The following FAIM2 variants were observed in gnomAD, a reference collection of about 807,000 sequenced individuals.
FAIM2 encodes the protein protein lifeguard 2.
In FAIM2, 27 loss-of-function variants were observed where a neutral mutation model predicts 47.4. The observed-to-expected ratio is 0.57, with a 90% CI of 0.42 to 0.78. The LOEUF (loss-of-function observed/expected upper bound fraction) is 0.78, where lower values mean the gene tolerates loss of function less well. Ranked by LOEUF, FAIM2 falls within the 30% of genes least tolerant of loss-of-function variation. The pLI is 0.00. For synonymous variants in FAIM2, 156 were observed against 159.3 expected (o/e 0.98, Z 0.16); for missense variants, 311 against 389.4 (o/e 0.80, Z 1.69).
chr12:49,890,064 C>T, intron 8 of FAIM2, 53 bp downstream of exon 8: 1 of 1,584,830 alleles, frequency 6.3e-7, no homozygotes, highest in East Asian at 2.2e-5. Flanking sequence ...TGGCTGGTGC[C>T]TGGCTCCAAG....
At chr12:49,887,496 G>A (rs937804759) in intron 10 of FAIM2, 57 bp from the exon 11 acceptor site, 62 of 1,458,050 alleles carry the variant, frequency 4.3e-5, no homozygotes, top group Non-Finnish European at 5.0e-5. Flanking sequence ...AGTCAGAGGG[G>A]CAGGGAGGAG....
At chr12:49,890,416 C>T (rs377226755) in intron 7 of FAIM2, among the ~76,000 whole-genome samples, 2 of 152,280 alleles carry the variant, frequency 1.3e-5, no homozygotes, top group South Asian at 2.1e-4. Flanking sequence ...TTCTTCATTA[C>T]CATAGCTCTA....
At chr12:49,900,852 C>T (rs1946976764) in intron 2 of FAIM2, among the ~76,000 whole-genome samples, 1 of 152,184 alleles carries the variant, frequency 6.6e-6, no homozygotes, top group Non-Finnish European at 1.5e-5. Flanking sequence ...TCTCCCTCAT[C>T]TGTCCCCTCC....
chr12:49,893,096 C>G (rs1407120908), intron 5 of FAIM2, among the ~76,000 whole-genome samples: 2 of 152,226 alleles, frequency 1.3e-5, no homozygotes, highest in African/African-American at 2.4e-5. Context: ...CTGGCTTGGA[C>G]TGTTGCAGGA....
chr12:49,891,734 C>T (rs1252014064), intron 5 of FAIM2, among the ~76,000 whole-genome samples: 1 of 152,198 alleles, frequency 6.6e-6, no homozygotes, highest in Non-Finnish European at 1.5e-5. Context: ...GTAGGGCCCT[C>T]TTCTGTCCTG....
intron 11 of FAIM2, among the ~76,000 whole-genome samples, chr12:49,881,427 C>A (rs1480724365): frequency 6.6e-6 from 1 of 152,134 alleles, no homozygotes; most frequent in Non-Finnish European, 1.5e-5. Context: ...GACTCTGGGA[C>A]TTGGGCTCCT....
intron 10 of FAIM2, among the ~76,000 whole-genome samples, chr12:49,888,513 C>G (rs1946876785): frequency 1.3e-5 from 2 of 152,144 alleles, no homozygotes; most frequent in African/African-American, 2.4e-5. Context: ...TGTGATGACC[C>G]CAATCTGCCC....
At chr12:49,876,256 C>T (rs1242926042) in intron 11 of FAIM2, among the ~76,000 whole-genome samples, 2 of 152,138 alleles carry the variant, frequency 1.3e-5, no homozygotes, top group Non-Finnish European at 2.9e-5. Context: ...AGCACAGCCA[C>T]CTATGAGGAA....
At chr12:49,900,226 G>C in intron 2 of FAIM2, 1 of 1,287,512 alleles carries the variant, frequency 7.8e-7, no homozygotes, top group Non-Finnish European at 1.0e-6. Flanking sequence ...ATTTGTAGTG[G>C]GAGGTGTAGA....
chr12:49,894,746 A>T (rs1946923896), intron 5 of FAIM2, among the ~76,000 whole-genome samples: 1 of 152,074 alleles, frequency 6.6e-6, no homozygotes, highest in Non-Finnish European at 1.5e-5. Context: ...CATCAGAAAG[A>T]CCTGGATTTC....
rs933005704 is a variant in FAIM2, at chr12:49,889,404, C to T, written c.651+77G>A. 10 of 1,392,818 alleles carry T rather than the reference C, an allele frequency of 7.2e-6. No homozygotes were observed. The South Asian group carries it at 1.2e-4, about 16-fold the overall frequency. 86.3% of individuals were successfully genotyped at this position (1,392,818 alleles called of 1,614,324 possible). A position where few individuals can be genotyped will look rare whatever the true frequency, so the allele number is the denominator to read the frequency against. ...CTCTCCCCAGCCCCAGGTCCGAGCTCTGAGGCCCCCACCCCATCTGCCTTC... is the reference window on the plus strand; with the variant it reads ...CTCTCCCCAGCCCCAGGTCCGAGCTTTGAGGCCCCCACCCCATCTGCCTTC... On this transcript the variant is annotated intron_variant, in intron 9 of 11. Coordinates refer to ENST00000320634, the MANE Select transcript of FAIM2 (RefSeq NM_012306.4).
intron 2 of FAIM2, among the ~76,000 whole-genome samples, chr12:49,898,882 G>C (rs1404309502): frequency 6.6e-6 from 1 of 152,078 alleles, no homozygotes; most frequent in Non-Finnish European, 1.5e-5. Flanking sequence ...CTGGTTGGCT[G>C]TGGTGGACCG....
At chr12:49,875,734 G>C (rs976980766) in intron 11 of FAIM2, among the ~76,000 whole-genome samples, 5 of 152,298 alleles carry the variant, frequency 3.3e-5, no homozygotes, top group Non-Finnish European at 7.4e-5. Context: ...CAGCACTTTG[G>C]GAGGCCAAGG....
At chr12:49,870,751 T>G (rs1485831810) in intron 11 of FAIM2, 98 bp from the exon 12 acceptor site, 2 of 1,179,106 alleles carry the variant, frequency 1.7e-6, no homozygotes, top group Non-Finnish European at 2.4e-6. Context: ...CACCCCCAAT[T>G]TTATTACCCT....
chr12:49,887,565 C>T (rs1237517550), intron 10 of FAIM2, 126 bp from the exon 11 acceptor site: 3 of 803,072 alleles, frequency 3.7e-6, no homozygotes, highest in Non-Finnish European at 6.2e-6. Context: ...CCTAAGGAGC[C>T]CCAGGACTGA....
chr12:49,886,979 G>C (rs912789746), intron 11 of FAIM2, among the ~76,000 whole-genome samples: 1 of 152,016 alleles, frequency 6.6e-6, no homozygotes, highest in African/African-American at 2.4e-5. Context: ...TCTCTCTCAG[G>C]GTACCTGGAA....
intron 5 of FAIM2, among the ~76,000 whole-genome samples, chr12:49,896,287 A>G (rs1339071105): frequency 2.6e-5 from 4 of 152,038 alleles, no homozygotes; most frequent in Non-Finnish European, 5.9e-5. Context: ...CTCCTTAATT[A>G]CCCAGAAAGG....
chr12:49,874,125 T>C lies in FAIM2; in HGVS notation c.802-3472A>G, dbSNP rs1336821807. Among the ~76,000 whole-genome samples the C allele has an allele frequency of 6.6e-6, 1 of 152,202 alleles. No individual in the cohort carries two copies. Among genetic ancestry groups the C allele is most frequent in the Non-Finnish European group, 1.5e-5 (1 of 68,032 alleles). On this transcript the variant is annotated intron_variant, in intron 11 of 11. Coordinates refer to ENST00000320634, the MANE Select transcript of FAIM2 (RefSeq NM_012306.4). The surrounding 1 kb of genome is among the most constrained non-coding windows in gnomAD (Gnocchi z 4.2). ...TCTTGGCTGAGAGCTAGCAACCGAA[T>C]TGACTGCAAACCCCTAAAAGGAGGG...
intron 1 of FAIM2, among the ~76,000 whole-genome samples, chr12:49,903,499 G>A (rs540422900): frequency 2.6e-5 from 4 of 152,348 alleles, no homozygotes; most frequent in South Asian, 2.1e-4. Flanking sequence ...GACTCCTCAC[G>A]GGGGGCCTGG....
Sources: gnomAD v4.1 joint callset for allele counts (sites outside exome capture counted in the v4.1 genomes callset) on GRCh38, gnomAD v4.1.1 for gene constraint, Gnocchi (gnomAD v3.1) non-coding constraint, MANE v1.5 for transcripts, NCBI Gene and HGNC (gene_info 2026-07-23, HGNC 2026-07-21) for gene names.